The following ARHGAP24 variants were observed in gnomAD, a reference collection of about 807,000 sequenced individuals.
ARHGAP24 encodes Rho GTPase activating protein 24.
ARHGAP24 carries 50 observed loss-of-function variants against 76.4 expected under a neutral mutation model. That is an observed-to-expected ratio of 0.65 (90% CI 0.52 to 0.83). The LOEUF (loss-of-function observed/expected upper bound fraction) is 0.83, where lower values mean the gene tolerates loss of function less well. Ranked by LOEUF, ARHGAP24 falls within the 40% of genes least tolerant of loss-of-function variation. The probability of loss-of-function intolerance (pLI) is 0.00; values close to 1 mark genes in which losing one functional copy is unlikely to be tolerated. For synonymous variants in ARHGAP24, 345 were observed against 323.3 expected, an observed-to-expected ratio of 1.07 and a Z score of -0.72; for missense variants, 930 against 914.2, an observed-to-expected ratio of 1.02 and a Z score of -0.22.
At chr4:85,684,195 T>G (rs1723337108) in intron 2 of ARHGAP24, among the ~76,000 whole-genome samples, 1 of 152,200 alleles carries the variant, frequency 6.6e-6, no homozygotes, top group Non-Finnish European at 1.5e-5. Context: ...TATAATGGCT[T>G]CCATTTTACA....
intron 1 of ARHGAP24, among the ~76,000 whole-genome samples, chr4:85,568,099 T>C (rs1726920004): frequency 6.6e-6 from 1 of 152,212 alleles, no homozygotes; most frequent in Non-Finnish European, 1.5e-5. Context: ...CACACATTTC[T>C]CACTAAGGCA....
intron 3 of ARHGAP24, among the ~76,000 whole-genome samples, chr4:85,905,759 G>C (rs1414766558): frequency 6.6e-6 from 1 of 152,226 alleles, no homozygotes; most frequent in Admixed American, 6.5e-5. Flanking sequence ...TAGTAGGACT[G>C]TCAGAAGCAG....
At chr4:85,758,090 C>A (rs1224781364) in intron 3 of ARHGAP24, among the ~76,000 whole-genome samples, 1 of 152,110 alleles carries the variant, frequency 6.6e-6, no homozygotes, top group East Asian at 1.9e-4. Flanking sequence ...GTTTTAAAAG[C>A]GTATTCCCTA....
intron 3 of ARHGAP24, among the ~76,000 whole-genome samples, chr4:85,727,045 T>C (rs1195606479): frequency 6.6e-6 from 1 of 151,916 alleles, no homozygotes; most frequent in Non-Finnish European, 1.5e-5. Flanking sequence ...AGAAACCCCG[T>C]TTCAATAGAA....
intron 2 of ARHGAP24, among the ~76,000 whole-genome samples, chr4:85,679,232 A>G (rs1560582293): frequency 6.6e-6 from 1 of 152,112 alleles, no homozygotes; most frequent in Non-Finnish European, 1.5e-5. Flanking sequence ...TTTCTCTCAG[A>G]TCTTTAAAGG....
intron 3 of ARHGAP24, among the ~76,000 whole-genome samples, chr4:85,809,141 T>TACAAAC (rs1728908620): frequency 1.3e-5 from 2 of 152,188 alleles, no homozygotes. Flanking sequence ...TTTCTATTAA[T>TACAAAC]ACAAACACAA....
At chr4:85,968,670 T>G (rs576788067) in intron 5 of ARHGAP24, among the ~76,000 whole-genome samples, 106 of 152,168 alleles carry the variant, frequency 7.0e-4, no homozygotes, top group Non-Finnish European at 1.2e-3. Context: ...TGAGAACCTC[T>G]TGAGGTGAAT....
intron 1 of ARHGAP24, among the ~76,000 whole-genome samples, chr4:85,524,314 A>G (rs2110112795): frequency 6.6e-6 from 1 of 152,270 alleles, no homozygotes; most frequent in East Asian, 1.9e-4. Flanking sequence ...TATTCTTAGT[A>G]TAACTACTTT....
intron 3 of ARHGAP24, among the ~76,000 whole-genome samples, chr4:85,810,688 T>C (rs1339288081): frequency 1.3e-5 from 2 of 152,214 alleles, no homozygotes; most frequent in African/African-American, 4.8e-5. Flanking sequence ...AAACATTAGA[T>C]TGTTTTACCA....
At chr4:85,586,323 C>A (rs1037500431) in intron 2 of ARHGAP24, among the ~76,000 whole-genome samples, 1 of 152,098 alleles carries the variant, frequency 6.6e-6, no homozygotes, top group South Asian at 2.1e-4. Context: ...TACTTTCTTA[C>A]CAGAGATCTA....
intron 2 of ARHGAP24, among the ~76,000 whole-genome samples, chr4:85,703,596 T>G (rs1470962324): frequency 1.3e-5 from 2 of 152,126 alleles, no homozygotes; most frequent in African/African-American, 4.8e-5. Flanking sequence ...TTGCCTCTTC[T>G]GCCATGTGAG....
chr4:85,857,999 G>A (rs568510208), intron 3 of ARHGAP24, among the ~76,000 whole-genome samples: 2 of 152,014 alleles, frequency 1.3e-5, no homozygotes, highest in African/African-American at 4.8e-5. Context: ...TTGTAATTAA[G>A]AACTTTAAGT....
At chr4:85,515,141 C>T (rs1342703320) in intron 1 of ARHGAP24, among the ~76,000 whole-genome samples, 1 of 152,040 alleles carries the variant, frequency 6.6e-6, no homozygotes, top group Admixed American at 6.6e-5. Context: ...GCTATAGCTC[C>T]CAGAACTTTC....
rs184065877 is a variant in ARHGAP24, at chr4:85,624,519, T to C, written c.180+53798T>C. On this transcript the variant is annotated intron_variant, in intron 2 of 9. Transcript: ENST00000395184. The stretch of plus-strand genomic sequence containing the variant: ...TTTATTGAGGATTTTTGTATCAATG[T>C]TCATCAAGGATATTGGTCTAAAATT... Among the ~76,000 whole-genome samples, 584 of 152,310 alleles carry C rather than the reference T, an allele frequency of 3.8e-3. 3 individuals carry two copies. Among genetic ancestry groups the C allele is most frequent in the African/African-American group, 0.013 (558 of 41,550 alleles).
At chr4:85,557,907 C>T (rs1193436594) in intron 1 of ARHGAP24, among the ~76,000 whole-genome samples, 1 of 152,078 alleles carries the variant, frequency 6.6e-6, no homozygotes. Context: ...TTACTTTATC[C>T]TTTCTAAGTG....
intron 1 of ARHGAP24, among the ~76,000 whole-genome samples, chr4:85,569,885 C>T (rs1727010897): frequency 6.6e-6 from 1 of 152,174 alleles, no homozygotes; most frequent in Non-Finnish European, 1.5e-5. Flanking sequence ...CTAGCTCTTG[C>T]TCAGGTAAAC....
chr4:85,719,224 C>A (rs1724840193), intron 2 of ARHGAP24, among the ~76,000 whole-genome samples: 1 of 152,016 alleles, frequency 6.6e-6, no homozygotes, highest in Non-Finnish European at 1.5e-5. Flanking sequence ...AAGTATCTAG[C>A]AATTTTTTAA....
intron 3 of ARHGAP24, among the ~76,000 whole-genome samples, chr4:85,849,670 TTTA>T (rs1459375960): frequency 1.3e-5 from 2 of 152,196 alleles, no homozygotes; most frequent in African/African-American, 4.8e-5. Flanking sequence ...GCTGTTGCAT[TTTA>T]TTGAAGGCCT....
At chr4:85,734,689 TC>T (rs1725541269) in intron 3 of ARHGAP24, among the ~76,000 whole-genome samples, 1 of 138,742 alleles carries the variant, frequency 7.2e-6, no homozygotes, top group Non-Finnish European at 1.6e-5. Flanking sequence ...TTCTCATGAC[TC>T]ATTATTTCTG....
Sources: gnomAD v4.1 joint callset for allele counts (sites outside exome capture counted in the v4.1 genomes callset) on GRCh38, gnomAD v4.1.1 for gene constraint, MANE v1.5 for transcripts, NCBI Gene and HGNC (gene_info 2026-07-23, HGNC 2026-07-21) for gene names.